Variants in IMMP1L observed in about 807,000 individuals in gnomAD.
The protein encoded by IMMP1L is inner mitochondrial membrane peptidase subunit 1, also known as mitochondrial inner membrane protease subunit 1.
IMMP1L carries 24 observed loss-of-function variants against 21.8 expected under a neutral mutation model. That is an observed-to-expected ratio of 1.10 (90% CI 0.80 to 1.55). The LOEUF (loss-of-function observed/expected upper bound fraction) is 1.55. Among genes scored for constraint, IMMP1L ranks in the 40% most tolerant of loss-of-function variants. The probability of loss-of-function intolerance (pLI) is 0.00; values close to 1 mark genes in which losing one functional copy is unlikely to be tolerated. For missense variants in IMMP1L, 195 were observed against 200.7 expected, an observed-to-expected ratio of 0.97 and a Z score of 0.17; for synonymous variants, 46 against 62.8, an observed-to-expected ratio of 0.73 and a Z score of 1.26.
At chr11:31,480,838 TGAGTTA>T (rs1414778832) in intron 1 of IMMP1L, among the ~76,000 whole-genome samples, 1 of 152,098 alleles carries the variant, frequency 6.6e-6, no homozygotes, top group African/African-American at 2.4e-5. Context: ...ATATTCAGTC[TGAGTTA>T]ATCTCCAGAC....
chr11:31,471,734 T>A (rs1181912676), intron 1 of IMMP1L, among the ~76,000 whole-genome samples: 2 of 152,192 alleles, frequency 1.3e-5, no homozygotes, highest in Non-Finnish European at 2.9e-5. Context: ...CTGGGAACTT[T>A]TAGCACAAAG....
At position 31,495,965 on chromosome 11, in the gene IMMP1L, G is replaced by T. The variant is rs145672764; in HGVS notation, c.-30+13554C>A. 3.8e-3 allele frequency among the ~76,000 whole-genome samples: 582 copies of T among 152,044 alleles called. 1 individual carries two copies. The highest frequency in any genetic ancestry group is 5.8e-3 in the Admixed American group (88 of 15,278). ...GGCAACAAAAACAAAGGTCACAAAA[G>T]AAATAAAAATATATAAACTAGACTT... On this transcript the variant is annotated intron_variant, in intron 1 of 5. Transcript: ENST00000532287.
intron 4 of IMMP1L, among the ~76,000 whole-genome samples, chr11:31,440,571 A>G (rs1373850988): frequency 6.6e-6 from 1 of 152,000 alleles, no homozygotes; most frequent in Non-Finnish European, 1.5e-5. Context: ...TTGTATTTTT[A>G]GTAGAGATGG....
chr11:31,478,198 G>A (rs1371252655), intron 1 of IMMP1L, among the ~76,000 whole-genome samples: 3 of 152,214 alleles, frequency 2.0e-5, no homozygotes, highest in South Asian at 4.1e-4. Flanking sequence ...TGTATAGACA[G>A]CCTGTGCTCT....
intron 4 of IMMP1L, chr11:31,449,139 A>G: frequency 1.1e-6 from 1 of 910,860 alleles, no homozygotes; most frequent in Non-Finnish European, 1.3e-6. Context: ...GTAATAAGTG[A>G]CATTATTAGG....
intron 4 of IMMP1L, chr11:31,452,717 C>A: frequency 9.8e-7 from 1 of 1,016,804 alleles, no homozygotes; most frequent in Non-Finnish European, 1.2e-6. Flanking sequence ...GGCTTCAGTA[C>A]CTTCAAAATA....
At chr11:31,453,046 C>T (rs1249818128) in intron 4 of IMMP1L, 12 of 1,287,440 alleles carry the variant, frequency 9.3e-6, no homozygotes, top group Non-Finnish European at 1.2e-5. Flanking sequence ...GCCACCGCGG[C>T]CGGCCAGCAA....
chr11:31,493,089 G>A (rs1955310366), intron 1 of IMMP1L, among the ~76,000 whole-genome samples: 1 of 152,136 alleles, frequency 6.6e-6, no homozygotes, highest in Non-Finnish European at 1.5e-5. Context: ...CAAATAAGAT[G>A]ATGCATGCCT....
At chr11:31,433,639 T>C (rs1419967625) in intron 4 of IMMP1L, 69 bp from the exon 5 acceptor site, 4 of 931,884 alleles carry the variant, frequency 4.3e-6, no homozygotes, top group Non-Finnish European at 6.8e-6. Flanking sequence ...TTAAAAAGCA[T>C]GTCATTCAGA....
At chr11:31,506,687 C>A (rs1449866539) in intron 1 of IMMP1L, among the ~76,000 whole-genome samples, 1 of 147,904 alleles carries the variant, frequency 6.8e-6, no homozygotes, top group South Asian at 2.1e-4. Flanking sequence ...GGCGGCTGGG[C>A]GCGGTGGCTC....
At position 31,507,151 on chromosome 11, in the gene IMMP1L, C is replaced by T. The variant is rs188538641; in HGVS notation, c.-30+2368G>A. Among the ~76,000 whole-genome samples, 375 of 148,208 alleles carry T rather than the reference C, an allele frequency of 2.5e-3. 7 individuals are homozygous for T. Among genetic ancestry groups the T allele is most frequent in the East Asian group, 6.1e-4 (3 of 4,920 alleles). On this transcript the variant is annotated intron_variant, in intron 1 of 5. Transcript: ENST00000532287. Reference sequence around the variant, plus strand: ...AAAATCAGCAGGGCGTGGTGACGGGCGCCTGTAGTCCCAGCTACTCGGGAG... The same window carrying T: ...AAAATCAGCAGGGCGTGGTGACGGGTGCCTGTAGTCCCAGCTACTCGGGAG...
chr11:31,460,042 C>T (rs1409447730), intron 3 of IMMP1L, among the ~76,000 whole-genome samples: 1 of 151,984 alleles, frequency 6.6e-6, no homozygotes. Context: ...CCTGTAGTCA[C>T]AGCTACTTGG....
intron 3 of IMMP1L, among the ~76,000 whole-genome samples, chr11:31,456,957 A>AAAAAGC (rs1477235500): frequency 7.1e-6 from 1 of 140,544 alleles, no homozygotes; most frequent in Non-Finnish European, 1.6e-5. Context: ...CCAAAAAAAG[A>AAAAAGC]AAAAAAAACC....
At chr11:31,445,726 A>AG (rs1564971403) in intron 4 of IMMP1L, among the ~76,000 whole-genome samples, 3 of 123,578 alleles carry the variant, frequency 2.4e-5, no homozygotes, top group African/African-American at 1.4e-4. Flanking sequence ...ATGACAGATG[A>AG]ATTTTTTTTT....
chr11:31,475,755 A>C (rs1295862511), intron 1 of IMMP1L, among the ~76,000 whole-genome samples: 1 of 152,190 alleles, frequency 6.6e-6, no homozygotes, highest in Non-Finnish European at 1.5e-5. Flanking sequence ...ATTTTTATGA[A>C]AAGAATGTAT....
chr11:31,495,342 G>C (rs753908410), intron 1 of IMMP1L, among the ~76,000 whole-genome samples: 14 of 152,102 alleles, frequency 9.2e-5, no homozygotes, highest in Non-Finnish European at 2.1e-4. Flanking sequence ...TCCAACCTCT[G>C]CCTGTTACCC....
intron 1 of IMMP1L, among the ~76,000 whole-genome samples, chr11:31,489,696 T>C (rs954330247): frequency 9.2e-5 from 14 of 152,192 alleles, no homozygotes; most frequent in South Asian, 2.1e-4. Context: ...TTGTAATGCA[T>C]TTCTGTATCA....
intron 4 of IMMP1L, among the ~76,000 whole-genome samples, chr11:31,443,393 AC>A (rs754431505): frequency 1.8e-4 from 28 of 152,306 alleles, no homozygotes; most frequent in Non-Finnish European, 3.8e-4. Context: ...AATAGAAGGG[AC>A]TTTTAGAACA....
chr11:31,479,212 C>T (rs1190187679), intron 1 of IMMP1L, among the ~76,000 whole-genome samples: 1 of 152,006 alleles, frequency 6.6e-6, no homozygotes, highest in Non-Finnish European at 1.5e-5. Flanking sequence ...ATATGGCTTA[C>T]TTGACAAGTT....
Sources: gnomAD v4.1 joint callset for allele counts (sites outside exome capture counted in the v4.1 genomes callset) on GRCh38, gnomAD v4.1.1 for gene constraint, MANE v1.5 for transcripts, NCBI Gene and HGNC (gene_info 2026-07-23, HGNC 2026-07-21) for gene names.